The following RNF220 variants were observed in gnomAD, a reference collection of about 807,000 sequenced individuals.
RNF220 encodes the protein E3 ubiquitin-protein ligase RNF220.
RNF220 carries 7 observed loss-of-function variants against 67.1 expected under a neutral mutation model. The observed-to-expected ratio is 0.10, with a 90% CI of 0.06 to 0.20. The LOEUF is 0.20. RNF220 is among the 10% of genes least tolerant of loss of function. The probability of loss-of-function intolerance (pLI) is 1.00; values close to 1 mark genes in which losing one functional copy is unlikely to be tolerated. For missense variants in RNF220, 565 were observed against 740.3 expected, an observed-to-expected ratio of 0.76 and a Z score of 2.75; for synonymous variants, 270 against 283.2, an observed-to-expected ratio of 0.95 and a Z score of 0.47.
intron 2 of RNF220, among the ~76,000 whole-genome samples, chr1:44,482,331 T>C (rs1025686053): frequency 1.3e-5 from 2 of 152,166 alleles, no homozygotes; most frequent in Non-Finnish European, 2.9e-5. Context: ...TGGGGCTCCC[T>C]TCTCAGGGGA....
At chr1:44,553,959 C>T (rs556590019) in intron 2 of RNF220, among the ~76,000 whole-genome samples, 2 of 152,262 alleles carry the variant, frequency 1.3e-5, no homozygotes, top group South Asian at 4.2e-4. Context: ...GAATGCTAAC[C>T]CTTGGCTGGC....
At chr1:44,482,688 C>A (rs1011703009) in intron 2 of RNF220, among the ~76,000 whole-genome samples, 2 of 151,988 alleles carry the variant, frequency 1.3e-5, no homozygotes, top group African/African-American at 4.8e-5. Flanking sequence ...GTGGCACAAT[C>A]TCAGCTCACT....
chr1:44,515,141 A>C (rs1262367241), intron 2 of RNF220, among the ~76,000 whole-genome samples: 1 of 152,232 alleles, frequency 6.6e-6, no homozygotes, highest in Non-Finnish European at 1.5e-5. Context: ...CCAACAGTCT[A>C]TTCCCTTCCC....
intron 2 of RNF220, among the ~76,000 whole-genome samples, chr1:44,494,059 AGCCGGGCATGGTGGCAGGTGCCTG>A (rs1657101951): frequency 6.6e-6 from 1 of 152,080 alleles, no homozygotes; most frequent in Non-Finnish European, 1.5e-5. Flanking sequence ...ATACAAAATT[AGCCGGGCATGGTGGCAGGTGCCTG>A]CAATCCCAGC....
At chr1:44,518,200 A>C (rs1482725091) in intron 2 of RNF220, among the ~76,000 whole-genome samples, 1 of 150,092 alleles carries the variant, frequency 6.7e-6, no homozygotes, top group Non-Finnish European at 1.5e-5. Context: ...CCAAGGTGGG[A>C]GGATTGCTTC....
intron 2 of RNF220, among the ~76,000 whole-genome samples, chr1:44,518,902 A>C (rs1659685198): frequency 1.3e-5 from 2 of 151,876 alleles, no homozygotes; most frequent in Admixed American, 6.6e-5. Flanking sequence ...AAAAAAAAAA[A>C]CTTAATCCTG....
intron 2 of RNF220, among the ~76,000 whole-genome samples, chr1:44,446,789 C>A (rs922253641): frequency 5.9e-5 from 9 of 152,230 alleles, no homozygotes; most frequent in African/African-American, 2.2e-4. Flanking sequence ...AAACTCCTGA[C>A]CTCGTGATCT....
At chr1:44,550,600 A>T (rs1260679732) in intron 2 of RNF220, among the ~76,000 whole-genome samples, 1 of 152,212 alleles carries the variant, frequency 6.6e-6, no homozygotes, top group Non-Finnish European at 1.5e-5. Context: ...GTTGCTTTCC[A>T]TCCTTACGAG....
At position 44,471,521 on chromosome 1, in the gene RNF220, G is replaced by A. The variant is rs756820071; in HGVS notation, c.625+58799G>A. On this transcript the variant is annotated intron_variant, in intron 2 of 14. Transcript: ENST00000361799. ...TCTAACTCTGGAACATTTTCATCAC[G>A]CTATAAAGAAGACTCATACTGGCCA... Among the ~76,000 whole-genome samples, 31 of 151,110 alleles carry A rather than the reference G, an allele frequency of 2.1e-4. No homozygotes were observed. The Middle Eastern group carries it at 0.014, about 67-fold the overall frequency.
rs147032825 is a variant in RNF220, at chr1:44,442,296, C to T, written c.625+29574C>T. The stretch of plus-strand genomic sequence containing the variant: ...TAGCTGGGACTTCAGGTGTGCGCCA[C>T]CACGCCTAGTTAATTTTTGTATTTT... On this transcript the variant is annotated intron_variant, in intron 2 of 14. Transcript: ENST00000361799. Among the ~76,000 whole-genome samples, 451 of 152,072 alleles carry T rather than the reference C, an allele frequency of 3.0e-3. 3 individuals are homozygous for T. Among genetic ancestry groups the T allele is most frequent in the African/African-American group, 0.01 (426 of 41,470 alleles).
intron 5 of RNF220, among the ~76,000 whole-genome samples, chr1:44,627,367 A>C (rs1643988096): frequency 6.6e-6 from 1 of 151,174 alleles, no homozygotes; most frequent in Admixed American, 6.6e-5. Flanking sequence ...AAAAAAAAAA[A>C]AAAGCGTGAT....
At chr1:44,634,771 G>T (rs1054418846) in intron 6 of RNF220, among the ~76,000 whole-genome samples, 1 of 152,232 alleles carries the variant, frequency 6.6e-6, no homozygotes, top group African/African-American at 2.4e-5. Context: ...GGCTTGCAGT[G>T]TGCACTTTGG....
chr1:44,550,059 A>G (rs1434530696), intron 2 of RNF220, among the ~76,000 whole-genome samples: 1 of 152,238 alleles, frequency 6.6e-6, no homozygotes. Flanking sequence ...TGTCCCCTGC[A>G]GGGTAGAAGC....
chr1:44,639,074 C>T (rs1331106752), intron 8 of RNF220, among the ~76,000 whole-genome samples: 1 of 152,198 alleles, frequency 6.6e-6, no homozygotes, highest in Non-Finnish European at 1.5e-5. Flanking sequence ...TAAAAGAGAT[C>T]CGCAGTTAGG....
chr1:44,477,457 G>A (rs1227441333), intron 2 of RNF220, among the ~76,000 whole-genome samples: 2 of 152,184 alleles, frequency 1.3e-5, no homozygotes, highest in East Asian at 1.9e-4. Flanking sequence ...AATGAGCAAG[G>A]ACATTTCAAA....
At chr1:44,439,453 T>A (rs976572659) in intron 2 of RNF220, among the ~76,000 whole-genome samples, 47 of 152,076 alleles carry the variant, frequency 3.1e-4, no homozygotes, top group Non-Finnish European at 2.9e-5. Context: ...TCTATAATAT[T>A]TGTTGCATTT....
chr1:44,506,999 C>T (rs1658490651), intron 2 of RNF220, among the ~76,000 whole-genome samples: 1 of 152,082 alleles, frequency 6.6e-6, no homozygotes, highest in Non-Finnish European at 1.5e-5. Flanking sequence ...GTATGAGAAG[C>T]AGGTGGGACT....
chr1:44,406,900 C>T (rs1647392768), intron 1 of RNF220, among the ~76,000 whole-genome samples: 1 of 152,246 alleles, frequency 6.6e-6, no homozygotes, highest in Non-Finnish European at 1.5e-5. Flanking sequence ...GAGCTCGCGG[C>T]CCAGGTCGAC....
At position 44,574,710 on chromosome 1, in the gene RNF220, CTG is replaced by C. The variant is rs537443222; in HGVS notation, c.626-39451_626-39450del. On this transcript the variant is annotated intron_variant, in intron 2 of 14. Transcript: ENST00000361799. Reference sequence around the variant, plus strand: ...TTTGTTTAATAAGCACATTTGTTTGCTGTGTCTTAGATGTCACTGCCTTTGAG... The same window carrying C: ...TTTGTTTAATAAGCACATTTGTTTGCTGTCTTAGATGTCACTGCCTTTGAG... Among the ~76,000 whole-genome samples, 42 of 152,318 alleles carry C rather than the reference CTG, an allele frequency of 2.8e-4. No homozygotes were observed. In the East Asian group the frequency reaches 8.1e-3, roughly 29 times the overall value.
Sources: gnomAD v4.1 joint callset for allele counts (sites outside exome capture counted in the v4.1 genomes callset) on GRCh38, gnomAD v4.1.1 for gene constraint, MANE v1.5 for transcripts, NCBI Gene and HGNC (gene_info 2026-07-23, HGNC 2026-07-21) for gene names.